SLC20A2: variants seen among roughly 807,000 people sequenced by gnomAD.
SLC20A2 encodes solute carrier family 20 member 2, also known as sodium-dependent phosphate transporter 2.
In SLC20A2, 30 loss-of-function variants were observed where a neutral mutation model predicts 61.0. The observed-to-expected ratio is 0.49, with a 90% confidence interval of 0.37 to 0.67. The LOEUF (loss-of-function observed/expected upper bound fraction) is 0.67, where lower values mean the gene tolerates loss of function less well. SLC20A2 is among the 30% of genes least tolerant of loss of function. SLC20A2 has a pLI of 0.00. For synonymous variants in SLC20A2, 351 were observed against 353.3 expected (o/e 0.99, Z 0.07); for missense variants, 626 against 866.4 (o/e 0.72, Z 3.48).
chr8:42,451,951 TGAA>T (rs1805717989), intron 5 of SLC20A2, among the ~76,000 whole-genome samples: 1 of 47,320 alleles, frequency 2.1e-5, no homozygotes, highest in African/African-American at 9.8e-5. Context: ...GAGGAAGAGA[TGAA>T]GAGGAGGAGG....
At chr8:42,481,122 C>G (rs1427105351) in intron 1 of SLC20A2, among the ~76,000 whole-genome samples, 1 of 152,138 alleles carries the variant, frequency 6.6e-6, no homozygotes, top group Non-Finnish European at 1.5e-5. Flanking sequence ...CCTCTTTTCT[C>G]CTGAAACTGT....
At chr8:42,471,316 G>A (rs563037145) in intron 2 of SLC20A2, 60 of 437,624 alleles carry the variant, frequency 1.4e-4, no homozygotes, top group South Asian at 5.6e-4. Flanking sequence ...GCCGAGATCT[G>A]TGTCCGCTTA....
At chr8:42,470,800 C>G (rs1807573450) in intron 2 of SLC20A2, among the ~76,000 whole-genome samples, 1 of 151,442 alleles carries the variant, frequency 6.6e-6, no homozygotes, top group Non-Finnish European at 1.5e-5. Flanking sequence ...ATGGTGAAAC[C>G]CTGTCTCTAC....
intron 1 of SLC20A2, among the ~76,000 whole-genome samples, chr8:42,530,808 C>T (rs1260222701): frequency 1.3e-5 from 2 of 152,114 alleles, no homozygotes; most frequent in Non-Finnish European, 1.5e-5. Flanking sequence ...CTCCACCTCC[C>T]GGGTTCAAGG....
In SLC20A2 at chr8:42,458,940, A is replaced by ACCCC. The variant is rs765231520; in HGVS notation, c.613+952_613+955dup. Among the ~76,000 whole-genome samples the ACCCC allele has an allele frequency of 4.2e-4, 44 of 104,132 alleles. 1 individual carries two copies. Among genetic ancestry groups the ACCCC allele is most frequent in the African/African-American group, 1.8e-3 (42 of 23,166 alleles). The allele number at this position is 104,132 out of a possible 152,430, so 68.3% of individuals were successfully genotyped here. On this transcript the variant is annotated intron_variant, in intron 5 of 10. Coordinates refer to ENST00000520262, the MANE Select transcript of SLC20A2 (RefSeq NM_001257180.2). ...AAAATAAAATAAAAAATAATTTTTA[A>ACCCC]CCCCCCCCCCCACAAAAAACCTCTG...
At chr8:42,425,403 G>A in intron 10 of SLC20A2, among the ~76,000 whole-genome samples, 1 of 152,204 alleles carries the variant, frequency 6.6e-6, no homozygotes, top group Non-Finnish European at 1.5e-5. Context: ...TTTGGGGACT[G>A]TTGTGTGCAG....
At chr8:42,458,481 G>T (rs534970924) in intron 5 of SLC20A2, among the ~76,000 whole-genome samples, 1 of 151,826 alleles carries the variant, frequency 6.6e-6, no homozygotes, top group South Asian at 2.1e-4. Flanking sequence ...AAATTAGCTG[G>T]GTGTGGTGGC....
At chr8:42,486,860 G>C (rs896313190) in intron 1 of SLC20A2, among the ~76,000 whole-genome samples, 1 of 151,802 alleles carries the variant, frequency 6.6e-6, no homozygotes, top group Non-Finnish European at 1.5e-5. Context: ...AATTACTACA[G>C]ATTATTTTTA....
At chr8:42,489,464 G>A (rs1245652924) in intron 1 of SLC20A2, among the ~76,000 whole-genome samples, 3 of 112,474 alleles carry the variant, frequency 2.7e-5, no homozygotes, top group Admixed American at 1.4e-4. Flanking sequence ...TGTTTCACAC[G>A]AGCTAGTTTC....
At chr8:42,515,672 A>ATCCG (rs1347046450) in intron 1 of SLC20A2, among the ~76,000 whole-genome samples, 11 of 152,206 alleles carry the variant, frequency 7.2e-5, no homozygotes, top group Non-Finnish European at 1.5e-4. Flanking sequence ...GCACTCTAAA[A>ATCCG]AGTAGAAATC....
rs3763510 is a variant in SLC20A2 at position 42,417,442 on chromosome 8, T to C, written c.*361A>G. 11,498 of 165,108 alleles carry C rather than the reference T, an allele frequency of 0.07. 734 individuals carry two copies. Among genetic ancestry groups the C allele is most frequent in the African/African-American group, 0.16 (6,829 of 42,300 alleles). The allele number at this position is 165,108 out of a possible 1,614,324, so 10.2% of individuals were successfully genotyped here. On this transcript the variant is annotated 3_prime_UTR_variant, in exon 11 of 11. Transcript: ENST00000520262. ...GCCATCGAAATAGTTATGTACAAGA[T>C]TTATTGAATATTGACTTCTAGGCAA... is the stretch of plus-strand genomic sequence containing the variant.
intron 1 of SLC20A2, among the ~76,000 whole-genome samples, chr8:42,498,233 T>C (rs1810069908): frequency 6.6e-6 from 1 of 152,288 alleles, no homozygotes; most frequent in South Asian, 2.1e-4. Context: ...TGTAGGAGGA[T>C]TGCAACAGAG....
rs1586142265 is a variant in SLC20A2 at position 42,472,830 on chromosome 8, A to C, written c.-264-176T>G. On this transcript the variant is annotated intron_variant, in intron 1 of 10. Coordinates refer to ENST00000520262, the MANE Select transcript of SLC20A2 (RefSeq NM_001257180.2). The surrounding 1 kb of genome is among the most constrained non-coding windows in gnomAD (Gnocchi z 4.1). The stretch of plus-strand genomic sequence containing the variant: ...TTAGGATAACCACCCCCAACCAAAA[A>C]CACAAAAAAACCTGCTTTCTAGAAT... 1.3e-5 allele frequency among the ~76,000 whole-genome samples: 2 copies of C among 152,186 alleles called. No individual in the cohort carries two copies. Among genetic ancestry groups the C allele is most frequent in the African/African-American group, 4.8e-5 (2 of 41,442 alleles).
intron 1 of SLC20A2, among the ~76,000 whole-genome samples, chr8:42,487,176 CTTTT>C (rs553949254): frequency 4.1e-4 from 40 of 98,074 alleles, no homozygotes; most frequent in Admixed American, 5.6e-4. Context: ...TGGTTTCTTT[CTTTT>C]TTTTTTTTTT....
chr8:42,450,234 CTT>C (rs1342375622), intron 5 of SLC20A2, among the ~76,000 whole-genome samples: 1 of 143,420 alleles, frequency 7.0e-6, no homozygotes. Flanking sequence ...TTCGTTCGTT[CTT>C]TTTTTTTTTG....
At position 42,434,241 on chromosome 8, in the gene SLC20A2, C is replaced by G. The variant is rs112700162; in HGVS notation, c.1523+2748G>C. On this transcript the variant is annotated intron_variant, in intron 8 of 10. Coordinates refer to ENST00000520262, the MANE Select transcript of SLC20A2 (RefSeq NM_001257180.2). ...AGCTGGGACCACAAGTGCCCAGAAA[C>G]AGGCCCAGCTAATTTTTGTATTTTT... Among the ~76,000 whole-genome samples the G allele has an allele frequency of 4.4e-3, 668 of 152,218 alleles. 7 individuals are homozygous for G. The highest frequency in any genetic ancestry group is 0.015 in the African/African-American group (639 of 41,518).
intron 1 of SLC20A2, among the ~76,000 whole-genome samples, chr8:42,491,539 C>T (rs1050524610): frequency 2.0e-5 from 3 of 151,380 alleles, no homozygotes; most frequent in South Asian, 2.1e-4. Context: ...GGCATGGTGG[C>T]GGGCACCTGT....
chr8:42,444,850 G>A lies in SLC20A2; in HGVS notation c.614-88C>T, dbSNP rs1160724981. The A allele has an allele frequency of 2.1e-5, 18 of 839,332 alleles. 1 individual carries two copies. The highest frequency in any genetic ancestry group is 1.2e-4 in the East Asian group (5 of 40,864). The allele number at this position is 839,332 out of a possible 1,614,324, so 52.0% of individuals were successfully genotyped here. ...CGGTGGACTTCCCACTCCCCAAATC[G>A]AGAACGAATCACCTGGATTTTGTAG... On this transcript the variant is annotated intron_variant, in intron 5 of 10. Transcript: ENST00000520262.
intron 1 of SLC20A2, among the ~76,000 whole-genome samples, chr8:42,485,722 C>T (rs371893043): frequency 3.4e-5 from 5 of 145,982 alleles, no homozygotes; most frequent in Admixed American, 6.9e-5. Context: ...CTGAGGCGGG[C>T]GGATCACAAG....
Sources: allele counts gnomAD v4.1 joint callset (sites outside exome capture counted in the v4.1 genomes callset), GRCh38; gene constraint gnomAD v4.1.1; non-coding constraint Gnocchi (gnomAD v3.1); transcripts MANE v1.5; gene names NCBI Gene and HGNC (gene_info 2026-07-23, HGNC 2026-07-21).